IRS1: variants seen among roughly 807,000 people sequenced by gnomAD.
The protein encoded by IRS1 is insulin receptor substrate 1.
A neutral mutation model predicts 65.6 loss-of-function variants in IRS1; 34 were observed. The observed-to-expected ratio is 0.52, with a 90% CI of 0.39 to 0.69. The LOEUF (loss-of-function observed/expected upper bound fraction) is 0.69. Among genes scored for constraint, IRS1 ranks in the 30% least tolerant of loss-of-function variants. The pLI is 0.00. For synonymous variants in IRS1, 699 were observed against 683.5 expected, an observed-to-expected ratio of 1.02 and a Z score of -0.35; for missense variants, 1,641 against 1,720.2, an observed-to-expected ratio of 0.95 and a Z score of 0.81.
intron 1 of IRS1, among the ~76,000 whole-genome samples, chr2:226,757,291 T>C (rs1938824018): frequency 6.6e-6 from 1 of 152,164 alleles, no homozygotes; most frequent in African/African-American, 2.4e-5. Context: ...TTCCCAAACA[T>C]GTTCTACAGA....
At chr2:226,783,231 A>G (rs1266104711) in intron 1 of IRS1, among the ~76,000 whole-genome samples, 1 of 152,240 alleles carries the variant, frequency 6.6e-6, no homozygotes, top group Non-Finnish European at 1.5e-5. Context: ...AGATGCCATC[A>G]AGACCTGAAT....
At chr2:226,766,153 A>ATTTTTTT (rs1422570346) in intron 1 of IRS1, among the ~76,000 whole-genome samples, 3 of 4,814 alleles carry the variant, frequency 6.2e-4, no homozygotes, top group Non-Finnish European at 9.8e-4. Flanking sequence ...ATATATATAT[A>ATTTTTTT]TATATATATA....
rs192033551 is a variant in IRS1, at chr2:226,782,214, C to T, written c.*21+12775G>A. 7.9e-5 allele frequency among the ~76,000 whole-genome samples: 12 copies of T among 152,128 alleles called. No homozygotes were observed. In the East Asian group the frequency reaches 2.3e-3, roughly 29 times the overall value. ...CACCACGTTCAACTTTCAGTCTCTC[C>T]CTCTTGGCTCCCCTCCATGACATAT... On this transcript the variant is annotated intron_variant, in intron 1 of 1. Coordinates refer to ENST00000305123, the MANE Select transcript of IRS1 (RefSeq NM_005544.3).
At chr2:226,758,743 G>A (rs1574647382) in intron 1 of IRS1, among the ~76,000 whole-genome samples, 2 of 151,530 alleles carry the variant, frequency 1.3e-5, no homozygotes, top group East Asian at 3.9e-4. Context: ...TTTACAGGGA[G>A]TTTAAAAAAA....
At chr2:226,790,222 C>G (rs1316744514) in intron 1 of IRS1, among the ~76,000 whole-genome samples, 2 of 152,088 alleles carry the variant, frequency 1.3e-5, no homozygotes, top group African/African-American at 4.8e-5. Flanking sequence ...GGTCACTCTG[C>G]TAGTGAAGGG....
Position 226,797,308 on chromosome 2 carries a change from G to A in IRS1, c.1431C>T (p.Thr477=), listed in dbSNP as rs953814280. 7.4e-6 allele frequency: 12 copies of A among 1,613,348 alleles called. No individual in the cohort carries two copies. In the African/African-American group the frequency reaches 1.2e-4, roughly 16 times the overall value. Residue 477 remains threonine (T), a synonymous_variant, in exon 1 of 2, where the codon ACC becomes ACT. Transcript: ENST00000305123. The surrounding 1 kb of genome is among the most constrained non-coding windows in gnomAD (Gnocchi z 8.1). ...ACAAAATGTAGTGACCGTTGGGGGC[G>A]GTCAGGGTGGAGGGCCCCTTGCCAC... is the stretch of plus-strand genomic sequence containing the variant. ...CMGGKGPSTL[T]APNGHYILSR...
intron 1 of IRS1, among the ~76,000 whole-genome samples, chr2:226,779,874 A>C (rs972683387): frequency 6.6e-6 from 1 of 152,252 alleles, no homozygotes; most frequent in Admixed American, 6.5e-5. Context: ...GTCTCAAAGC[A>C]ATTAGGTTCA....
chr2:226,784,769 T>C (rs1385768250), intron 1 of IRS1, among the ~76,000 whole-genome samples: 4 of 152,218 alleles, frequency 2.6e-5, no homozygotes, highest in African/African-American at 9.6e-5. Context: ...AGTTTCTATT[T>C]TGTAGCAAGA....
In IRS1 at chr2:226,797,014, G is replaced by A; in HGVS notation, c.1725C>T (p.Ala575=). Residue 575 remains alanine (A), a synonymous_variant, in exon 1 of 2, where the codon GCC becomes GCT. Coordinates refer to ENST00000305123, the MANE Select transcript of IRS1 (RefSeq NM_005544.3). The surrounding 1 kb of genome is among the most constrained non-coding windows in gnomAD (Gnocchi z 8.1). ...GGRLPGHRHS[A]FVPTRSYPEE... is the part of the protein sequence containing the mutation. Reference sequence around the variant, plus strand: ...CTGGGTAGGAGCGGGTGGGCACGAAGGCGGAGTGCCTGTGTCCCGGCAGTC... The same window carrying A: ...CTGGGTAGGAGCGGGTGGGCACGAAAGCGGAGTGCCTGTGTCCCGGCAGTC... The A allele has an allele frequency of 6.2e-7, 1 of 1,603,862 alleles. No homozygotes were observed. Among genetic ancestry groups the A allele is most frequent in the Non-Finnish European group, 8.5e-7 (1 of 1,173,194 alleles).
chr2:226,756,918 C>A (rs778407600), intron 1 of IRS1, among the ~76,000 whole-genome samples: 1 of 151,656 alleles, frequency 6.6e-6, no homozygotes. Flanking sequence ...GCTGAAATCA[C>A]GCCACTGCAC....
In IRS1 at chr2:226,766,163, A is replaced by ATTTTTTTTTTTTTTTT. The variant is rs5839180; in HGVS notation, c.*21+28810_*21+28825dup. Among the ~76,000 whole-genome samples, 13 of 4,596 alleles carry ATTTTTTTTTTTTTTTT rather than the reference A, an allele frequency of 2.8e-3. 2 individuals are homozygous for ATTTTTTTTTTTTTTTT. Among genetic ancestry groups the ATTTTTTTTTTTTTTTT allele is most frequent in the Admixed American group, 0.026 (4 of 152 alleles). The allele number at this position is 4,596 out of a possible 152,430, so 3.0% of individuals were successfully genotyped here. A position where few individuals can be genotyped will look rare whatever the true frequency, so the allele number is the denominator to read the frequency against. On this transcript the variant is annotated intron_variant, in intron 1 of 1. Transcript: ENST00000305123. Reference sequence around the variant, plus strand: ...TATATATATATATATATATATATATATTTTTTTTTTTTTTTTTTGAGACAG... The same window carrying ATTTTTTTTTTTTTTTT: ...TATATATATATATATATATATATATATTTTTTTTTTTTTTTTTTTTTTTTTTTTTTTTTTGAGACAG...
At chr2:226,769,719 T>A (rs1402408379) in intron 1 of IRS1, among the ~76,000 whole-genome samples, 4 of 152,224 alleles carry the variant, frequency 2.6e-5, no homozygotes, top group Non-Finnish European at 4.4e-5. Flanking sequence ...TGTCGTTATC[T>A]CTAGAAAACT....
chr2:226,752,352 T>C (rs1416407294), intron 1 of IRS1, among the ~76,000 whole-genome samples: 1 of 152,132 alleles, frequency 6.6e-6, no homozygotes, highest in African/African-American at 2.4e-5. Context: ...CCAATTCCTA[T>C]AGGAAGGCAA....
At chr2:226,773,687 G>A (rs779953886) in intron 1 of IRS1, among the ~76,000 whole-genome samples, 3 of 150,498 alleles carry the variant, frequency 2.0e-5, no homozygotes, top group Non-Finnish European at 2.9e-5. Flanking sequence ...TTTGCATCTC[G>A]GTCCTTAAAC....
At chr2:226,745,611 A>G (rs1257141119) in intron 1 of IRS1, among the ~76,000 whole-genome samples, 1 of 152,210 alleles carries the variant, frequency 6.6e-6, no homozygotes, top group Admixed American at 6.5e-5. Flanking sequence ...AGCATTGCCC[A>G]TTTCACAGGG....
chr2:226,786,678 C>CA (rs1315059172), intron 1 of IRS1, among the ~76,000 whole-genome samples: 10 of 131,768 alleles, frequency 7.6e-5, no homozygotes, highest in Admixed American at 1.5e-4. Context: ...AAAAAAAAAC[C>CA]AAAAAAAATT....
At chr2:226,738,012 C>T (rs1938363933) in intron 1 of IRS1, among the ~76,000 whole-genome samples, 1 of 152,100 alleles carries the variant, frequency 6.6e-6, no homozygotes, top group African/African-American at 2.4e-5. Flanking sequence ...CCCAAGATAT[C>T]TAAGGAGGGA....
chr2:226,739,038 C>G (rs1469595333), intron 1 of IRS1, among the ~76,000 whole-genome samples: 1 of 152,160 alleles, frequency 6.6e-6, no homozygotes, highest in Non-Finnish European at 1.5e-5. Context: ...GAGGGAAAAA[C>G]AGGTGGCTTC....
rs1161347977 is a variant in IRS1, at chr2:226,794,289, C to T, written c.*21+700G>A. ...AGGCCAGGCCCGTGGGATGGTGGGTCGGTGTGTGAATAATATTTCACAAAT... is the reference window on the plus strand; with the variant it reads ...AGGCCAGGCCCGTGGGATGGTGGGTTGGTGTGTGAATAATATTTCACAAAT... On this transcript the variant is annotated intron_variant, in intron 1 of 1. Transcript: ENST00000305123. The surrounding 1 kb of genome is among the most constrained non-coding windows in gnomAD (Gnocchi z 4.1). Among the ~76,000 whole-genome samples, 5 of 152,078 alleles carry T rather than the reference C, an allele frequency of 3.3e-5. No individual in the cohort carries two copies. Among genetic ancestry groups the T allele is most frequent in the East Asian group, 1.9e-4 (1 of 5,194 alleles).
Sources: allele counts gnomAD v4.1 joint callset (sites outside exome capture counted in the v4.1 genomes callset), GRCh38; gene constraint gnomAD v4.1.1; non-coding constraint Gnocchi (gnomAD v3.1); transcripts MANE v1.5; gene names NCBI Gene and HGNC (gene_info 2026-07-23, HGNC 2026-07-21).